FAM193A: variants seen among roughly 807,000 people sequenced by gnomAD.
FAM193A encodes family with sequence similarity 193 member A.
Under a neutral mutation model 126.5 loss-of-function variants are expected in FAM193A, and 22 were observed. That is an observed-to-expected ratio of 0.17 (90% CI 0.12 to 0.25). The LOEUF is 0.25. Among genes scored for constraint, FAM193A ranks in the 10% least tolerant of loss-of-function variants. FAM193A has a pLI of 1.00. For synonymous variants in FAM193A, 761 were observed against 646.8 expected, an observed-to-expected ratio of 1.18 and a Z score of -2.68; for missense variants, 1,675 against 1,672.8, an observed-to-expected ratio of 1.00 and a Z score of -0.02.
At position 2,631,066 on chromosome 4, in the gene FAM193A, T is replaced by C; in HGVS notation, c.935T>C (p.Leu312Pro). The C allele has an allele frequency of 3.1e-6, 5 of 1,613,490 alleles. No homozygotes were observed. Among genetic ancestry groups the C allele is most frequent in the Non-Finnish European group, 4.2e-6 (5 of 1,180,016 alleles). ...AAAKVKAPSG[L>P]QGPPQAHQFI... ...GCCAAGGTGAAGGCACCATCTGGCC[T>C]GCAGGGCCCGCCGCAAGCGCACCAG... is the stretch of plus-strand genomic sequence containing the variant. Residue 312 changes from leucine (L) to proline (P), a missense_variant, in exon 5 of 21, where the codon CTG (leucine) becomes CCG (proline). This residue lies in a region of FAM193A where 1,186 missense variants were observed against 1,109.2 expected (regional missense o/e 1.07). Transcript: ENST00000637812.
At position 2,596,304 on chromosome 4, in the gene FAM193A, G is replaced by A. The variant is rs1178182515; in HGVS notation, c.476G>A (p.Arg159Lys). 18 of 702,630 alleles carry A rather than the reference G, an allele frequency of 2.6e-5. No individual in the cohort carries two copies. The Middle Eastern group carries it at 7.3e-4, about 28-fold the overall frequency. The allele number at this position is 702,630 out of a possible 1,614,324, so 43.5% of individuals were successfully genotyped here. Reference sequence around the variant, plus strand: ...CGCAGGACCGTGGAGAAGGAGGAGAGGCATGGCGGCCTTGACCAGCCAGTG... The same window carrying A: ...CGCAGGACCGTGGAGAAGGAGGAGAAGCATGGCGGCCTTGACCAGCCAGTG... ...DCRRTVEKEE[R>K]HGGLDQPVSQ... The change falls in exon 2 of 21, where the codon AGG (arginine) becomes AAG (lysine). Residue 159 changes from arginine to lysine, a missense_variant. Coordinates refer to ENST00000637812, the MANE Select transcript of FAM193A (RefSeq NM_001366318.2).
At chr4:2,669,557 C>T (rs1362551325) in intron 12 of FAM193A, among the ~76,000 whole-genome samples, 1 of 152,210 alleles carries the variant, frequency 6.6e-6, no homozygotes, top group Non-Finnish European at 1.5e-5. Context: ...TGCAGTGAGA[C>T]AAGATCGCGC....
chr4:2,692,386 G>T (rs897561773), intron 15 of FAM193A, among the ~76,000 whole-genome samples: 1 of 152,140 alleles, frequency 6.6e-6, no homozygotes, highest in African/African-American at 2.4e-5. Context: ...CACATGGGGG[G>T]ATTATGGGAA....
At chr4:2,710,074 C>G (rs1409534904) in intron 19 of FAM193A, among the ~76,000 whole-genome samples, 3 of 150,230 alleles carry the variant, frequency 2.0e-5, no homozygotes, top group Non-Finnish European at 4.4e-5. Context: ...TCCTTTCTCC[C>G]TATTTTGCTT....
chr4:2,657,348 C>G lies in FAM193A; in HGVS notation c.1312-455C>G, dbSNP rs1009867757. 2.6e-5 allele frequency among the ~76,000 whole-genome samples: 4 copies of G among 152,098 alleles called. No homozygotes were observed. The East Asian group carries it at 5.8e-4, about 22-fold the overall frequency. On this transcript the variant is annotated intron_variant, in intron 7 of 20. Transcript: ENST00000637812. Reference sequence around the variant, plus strand: ...GTAATTTCTCTTTTTGCCTTTAACTCCTAACTTCTTTGTTAGTTTTGTTTT... The same window carrying G: ...GTAATTTCTCTTTTTGCCTTTAACTGCTAACTTCTTTGTTAGTTTTGTTTT...
intron 1 of FAM193A, among the ~76,000 whole-genome samples, chr4:2,589,343 A>G (rs897086967): frequency 1.3e-5 from 2 of 152,234 alleles, no homozygotes; most frequent in Admixed American, 1.3e-4. Flanking sequence ...CATTAAAAAC[A>G]GTTGCAGTTT....
At chr4:2,554,501 G>A (rs1388331395) in intron 1 of FAM193A, among the ~76,000 whole-genome samples, 1 of 151,984 alleles carries the variant, frequency 6.6e-6, no homozygotes, top group African/African-American at 2.4e-5. Flanking sequence ...GTCTGTTTTG[G>A]TAAATGTTAC....
intron 20 of FAM193A, among the ~76,000 whole-genome samples, chr4:2,718,569 C>CA (rs1719790541): frequency 1.3e-5 from 2 of 151,738 alleles, no homozygotes; most frequent in Admixed American, 1.3e-4. Flanking sequence ...ACAAAAAATA[C>CA]AAAAAAAGTA....
At chr4:2,553,656 G>T (rs559165245) in intron 1 of FAM193A, among the ~76,000 whole-genome samples, 1 of 152,256 alleles carries the variant, frequency 6.6e-6, no homozygotes, top group African/African-American at 2.4e-5. Context: ...TGGGATTACA[G>T]GCGTGACTTC....
intron 6 of FAM193A, among the ~76,000 whole-genome samples, chr4:2,641,711 G>A (rs1422301727): frequency 1.3e-5 from 2 of 152,140 alleles, no homozygotes; most frequent in African/African-American, 2.4e-5. Flanking sequence ...CCCAGTCTTT[G>A]TTTCCTGTAT....
At chr4:2,618,866 G>A (rs750145699) in intron 2 of FAM193A, among the ~76,000 whole-genome samples, 2 of 152,046 alleles carry the variant, frequency 1.3e-5, no homozygotes, top group African/African-American at 2.4e-5. Flanking sequence ...AAAGTGTTGC[G>A]ATTACAGGTG....
At chr4:2,659,786 G>A in intron 9 of FAM193A, 26 bp from the exon 10 acceptor site, 2 of 1,614,014 alleles carry the variant, frequency 1.2e-6, no homozygotes, top group Non-Finnish European at 1.7e-6. Flanking sequence ...TGGTTGGCTT[G>A]GTAACTGTCC....
intron 12 of FAM193A, among the ~76,000 whole-genome samples, chr4:2,669,835 G>T (rs1377681679): frequency 6.6e-6 from 1 of 152,208 alleles, no homozygotes. Context: ...TCTCAAGAAG[G>T]TGTTTTAGTA....
intron 1 of FAM193A, among the ~76,000 whole-genome samples, chr4:2,540,112 C>G (rs1401903543): frequency 7.5e-6 from 1 of 133,112 alleles, no homozygotes; most frequent in African/African-American, 2.6e-5. Flanking sequence ...GAGTGAAACT[C>G]TGTCTCAAAA....
intron 2 of FAM193A, among the ~76,000 whole-genome samples, chr4:2,621,478 T>C (rs1742541844): frequency 6.6e-6 from 1 of 152,120 alleles, no homozygotes; most frequent in South Asian, 2.1e-4. Flanking sequence ...AAAGCAGAAC[T>C]TTGACCTGAG....
intron 2 of FAM193A, among the ~76,000 whole-genome samples, chr4:2,600,470 C>T (rs1212952452): frequency 6.6e-6 from 1 of 152,198 alleles, no homozygotes; most frequent in African/African-American, 2.4e-5. Flanking sequence ...GCAAACCATG[C>T]ATGGGCATCT....
At chr4:2,704,912 A>C (rs1718138933) in intron 19 of FAM193A, among the ~76,000 whole-genome samples, 1 of 146,642 alleles carries the variant, frequency 6.8e-6, no homozygotes, top group Non-Finnish European at 1.5e-5. Context: ...TGTATTTAAG[A>C]ATTTTGTTTT....
intron 2 of FAM193A, chr4:2,608,015 G>A: frequency 6.2e-7 from 1 of 1,600,980 alleles, no homozygotes; most frequent in Admixed American, 1.8e-5. Flanking sequence ...GGGTGTGAAT[G>A]TGCACCACGC....
intron 2 of FAM193A, among the ~76,000 whole-genome samples, chr4:2,599,463 C>T (rs553771980): frequency 4.5e-4 from 69 of 152,272 alleles, no homozygotes; most frequent in African/African-American, 1.6e-3. Flanking sequence ...CAGCTTTCTG[C>T]ATCCAGAGGG....
Sources: gnomAD v4.1 joint callset for allele counts (sites outside exome capture counted in the v4.1 genomes callset) on GRCh38, gnomAD v4.1.1 for gene constraint, gnomAD v4.1.1 regional missense constraint, MANE v1.5 for transcripts, NCBI Gene and HGNC (gene_info 2026-07-23, HGNC 2026-07-21) for gene names.